WBP1L: variants seen among roughly 807,000 people sequenced by gnomAD.
WBP1L encodes WW domain binding protein 1-like.
Under a neutral mutation model 33.7 loss-of-function variants are expected in WBP1L, and 17 were observed. That is an observed-to-expected ratio of 0.50 (90% CI 0.34 to 0.76). WBP1L has a LOEUF of 0.76. WBP1L is among the 30% of genes least tolerant of loss of function. The probability of loss-of-function intolerance (pLI) is 0.01; values close to 1 mark genes in which losing one functional copy is unlikely to be tolerated. For synonymous variants in WBP1L, 173 were observed against 190.8 expected, an observed-to-expected ratio of 0.91 and a Z score of 0.77; for missense variants, 389 against 469.4, an observed-to-expected ratio of 0.83 and a Z score of 1.58.
chr10:102,803,986 C>A (rs2482506), intron 2 of WBP1L: 1 of 151,506 alleles, frequency 6.6e-6, no homozygotes, highest in Non-Finnish European at 1.5e-5. Context: ...TTAGTGTGGC[C>A]CCGGCCAAGG....
Position 102,813,390 on chromosome 10 carries a change from G to T in WBP1L, c.*59G>T. ...AGCAACCAGGGTAGGGGAGAACCAC[G>T]AGAGAAGCATTAAGTGACTTTCAAA... On this transcript the variant is annotated 3_prime_UTR_variant, in exon 4 of 4. Coordinates refer to ENST00000448841, the MANE Select transcript of WBP1L (RefSeq NM_001083913.2). 1 of 1,529,020 alleles carries T rather than the reference G, an allele frequency of 6.5e-7. No homozygotes were observed. Among genetic ancestry groups the T allele is most frequent in the Non-Finnish European group, 8.8e-7 (1 of 1,141,426 alleles). 94.7% of individuals were successfully genotyped at this position (1,529,020 alleles called of 1,614,324 possible).
chr10:102,807,690 G>C (rs1482904603), intron 2 of WBP1L, among the ~76,000 whole-genome samples: 2 of 151,860 alleles, frequency 1.3e-5, no homozygotes, highest in African/African-American at 4.8e-5. Flanking sequence ...CTTTTTTTAA[G>C]CAAAAGTTAG....
intron 1 of WBP1L, among the ~76,000 whole-genome samples, chr10:102,762,793 GGAT>G (rs1564755716): frequency 6.6e-6 from 1 of 152,160 alleles, no homozygotes; most frequent in Admixed American, 6.6e-5. Flanking sequence ...AGCTCTTCGG[GGAT>G]GCAAGCTGTT....
chr10:102,787,163 A>G (rs1843427547), intron 1 of WBP1L, among the ~76,000 whole-genome samples: 1 of 152,226 alleles, frequency 6.6e-6, no homozygotes, highest in Non-Finnish European at 1.5e-5. Flanking sequence ...ACTTCTTAGC[A>G]GTGGCTTGCC....
chr10:102,796,761 A>G (rs1246434754), intron 1 of WBP1L, among the ~76,000 whole-genome samples: 1 of 152,154 alleles, frequency 6.6e-6, no homozygotes, highest in Non-Finnish European at 1.5e-5. Context: ...CCAGTAAGTG[A>G]CTGTGTTATT....
At chr10:102,769,700 C>T (rs1843162522) in intron 1 of WBP1L, among the ~76,000 whole-genome samples, 1 of 152,172 alleles carries the variant, frequency 6.6e-6, no homozygotes, top group Non-Finnish European at 1.5e-5. Flanking sequence ...GCTGCACTGC[C>T]TATTAGGTGT....
intron 1 of WBP1L, among the ~76,000 whole-genome samples, chr10:102,754,298 T>C (rs1025052429): frequency 1.3e-5 from 2 of 152,172 alleles, no homozygotes; most frequent in African/African-American, 4.8e-5. Flanking sequence ...TGGGAGGGGG[T>C]AAGGAGCATA....
chr10:102,750,191 T>C (rs1842911676), intron 1 of WBP1L, among the ~76,000 whole-genome samples: 1 of 151,564 alleles, frequency 6.6e-6, no homozygotes, highest in Non-Finnish European at 1.5e-5. Context: ...GTGGATCATT[T>C]GAGGTCAGGA....
chr10:102,802,359 GT>G (rs1417944036), intron 2 of WBP1L, among the ~76,000 whole-genome samples: 6 of 150,636 alleles, frequency 4.0e-5, no homozygotes, highest in South Asian at 4.2e-4. Flanking sequence ...CCCAAGCTTC[GT>G]TTTTTACCTG....
chr10:102,777,085 T>C (rs1843274879), intron 1 of WBP1L, among the ~76,000 whole-genome samples: 1 of 152,028 alleles, frequency 6.6e-6, no homozygotes, highest in South Asian at 2.1e-4. Flanking sequence ...TAAAGCAGTG[T>C]GGAATGAGAG....
In WBP1L at chr10:102,815,301, G is replaced by C. The variant is rs192202666; in HGVS notation, c.*1970G>C. The C allele has an allele frequency of 4.7e-3, 725 of 152,738 alleles. 4 individuals carry two copies. Among genetic ancestry groups the C allele is most frequent in the Admixed American group, 7.2e-3 (110 of 15,290 alleles). 9.5% of individuals were successfully genotyped at this position (152,738 alleles called of 1,614,324 possible). ...ACTGCGATTTGCACATTGCTCCGTG[G>C]ACACTCGGAGGCCTGCGTTCTGTTC... On this transcript the variant is annotated 3_prime_UTR_variant, in exon 4 of 4. Coordinates refer to ENST00000448841, the MANE Select transcript of WBP1L (RefSeq NM_001083913.2).
At chr10:102,784,587 G>A (rs572984268) in intron 1 of WBP1L, among the ~76,000 whole-genome samples, 8 of 151,634 alleles carry the variant, frequency 5.3e-5, no homozygotes, top group Middle Eastern at 3.4e-3. Context: ...CACCACACCC[G>A]GCTAATTTTT....
intron 2 of WBP1L, among the ~76,000 whole-genome samples, chr10:102,800,480 TAAAG>T (rs1265030491): frequency 2.0e-5 from 3 of 152,010 alleles, no homozygotes; most frequent in Non-Finnish European, 4.4e-5. Context: ...CCCAAGGGCT[TAAAG>T]AAAGTCAGAG....
At chr10:102,753,849 C>T (rs2134026752) in intron 1 of WBP1L, among the ~76,000 whole-genome samples, 2 of 152,314 alleles carry the variant, frequency 1.3e-5, no homozygotes, top group Middle Eastern at 6.8e-3. Flanking sequence ...GTTACAAAAA[C>T]ATGTCTGTTT....
intron 1 of WBP1L, among the ~76,000 whole-genome samples, chr10:102,762,557 C>T (rs1843055000): frequency 6.6e-6 from 1 of 152,176 alleles, no homozygotes; most frequent in Non-Finnish European, 1.5e-5. Context: ...TAACCATAAC[C>T]TTTCTTCCAC....
intron 1 of WBP1L, among the ~76,000 whole-genome samples, chr10:102,787,178 A>T (rs1334422419): frequency 6.6e-6 from 1 of 152,172 alleles, no homozygotes; most frequent in Non-Finnish European, 1.5e-5. Flanking sequence ...CTTGCCCTTT[A>T]TGGGGAAGGA....
chr10:102,775,999 TG>T, intron 1 of WBP1L: 2 of 689,364 alleles, frequency 2.9e-6, no homozygotes, highest in Non-Finnish European at 3.6e-6. Flanking sequence ...CCTCCCACAG[TG>T]GGCTCTGGCT....
intron 1 of WBP1L, chr10:102,776,081 G>T (rs1435613240): frequency 1.0e-6 from 1 of 985,118 alleles, no homozygotes; most frequent in Non-Finnish European, 1.2e-6. Flanking sequence ...GCAGCTGTCT[G>T]AAGTTTTTTC....
intron 1 of WBP1L, among the ~76,000 whole-genome samples, chr10:102,754,034 C>A (rs943446750): frequency 9.2e-5 from 14 of 152,204 alleles, no homozygotes; most frequent in Admixed American, 6.5e-5. Context: ...TTCCACCTGA[C>A]AGTTTCATCA....
Sources: gnomAD v4.1 joint callset for allele counts (sites outside exome capture counted in the v4.1 genomes callset) on GRCh38, gnomAD v4.1.1 for gene constraint, MANE v1.5 for transcripts, NCBI Gene and HGNC (gene_info 2026-07-23, HGNC 2026-07-21) for gene names.